The following SCLT1 variants were observed in gnomAD, a reference collection of about 807,000 sequenced individuals.
SCLT1 encodes sodium channel and clathrin linker 1.
Under a neutral mutation model 112.8 loss-of-function variants are expected in SCLT1, and 78 were observed. That is an observed-to-expected ratio of 0.69 (90% confidence interval 0.58 to 0.83). The LOEUF (loss-of-function observed/expected upper bound fraction) is 0.83, where lower values mean the gene tolerates loss of function less well. Ranked by LOEUF, SCLT1 falls within the 40% of genes least tolerant of loss-of-function variation. The pLI, the probability that SCLT1 is intolerant of heterozygous loss-of-function variation, is 0.00. For synonymous variants in SCLT1, 257 were observed against 254.7 expected (o/e 1.01, Z -0.09); for missense variants, 747 against 770.4 (o/e 0.97, Z 0.36).
chr4:128,948,699 A>T (rs1738422669), intron 14 of SCLT1, 129 bp from the exon 15 acceptor site: 1 of 635,368 alleles, frequency 1.6e-6, no homozygotes, highest in Admixed American at 3.3e-5. Context: ...ATATTGATTA[A>T]AAACAAAACA....
chr4:129,017,345 C>A (rs1414613973), intron 5 of SCLT1, among the ~76,000 whole-genome samples: 1 of 152,006 alleles, frequency 6.6e-6, no homozygotes, highest in Non-Finnish European at 1.5e-5. Context: ...TGTACATAAT[C>A]AAACTTGTTA....
chr4:129,021,832 C>T (rs1745504895), intron 5 of SCLT1, among the ~76,000 whole-genome samples: 1 of 152,228 alleles, frequency 6.6e-6, no homozygotes, highest in South Asian at 2.1e-4. Flanking sequence ...AAGGGACAGA[C>T]TATCTCAAGT....
At chr4:129,028,414 C>G (rs554437814) in intron 5 of SCLT1, among the ~76,000 whole-genome samples, 1 of 152,070 alleles carries the variant, frequency 6.6e-6, no homozygotes, top group South Asian at 2.1e-4. Flanking sequence ...CTGAGAAAAA[C>G]AAGCAATGGG....
intron 5 of SCLT1, among the ~76,000 whole-genome samples, chr4:129,005,873 G>A (rs1055403607): frequency 2.6e-5 from 4 of 151,124 alleles, no homozygotes; most frequent in Admixed American, 6.6e-5. Context: ...GTAGGGACAT[G>A]GATGAAATTG....
intron 5 of SCLT1, among the ~76,000 whole-genome samples, chr4:129,032,399 C>CA (rs1560991486): frequency 1.3e-5 from 2 of 151,848 alleles, no homozygotes; most frequent in African/African-American, 4.8e-5. Context: ...GAAGAAAACC[C>CA]AGGCAATACC....
At chr4:129,062,348 C>T (rs1040324976) in intron 2 of SCLT1, among the ~76,000 whole-genome samples, 1 of 152,042 alleles carries the variant, frequency 6.6e-6, no homozygotes, top group African/African-American at 2.4e-5. Context: ...GTGAGGGGAA[C>T]AATTGCTAGA....
At chr4:128,965,102 C>G (rs1740062330) in intron 11 of SCLT1, 125 bp downstream of exon 11, 1 of 570,300 alleles carries the variant, frequency 1.8e-6, no homozygotes, top group African/African-American at 1.9e-5. Context: ...GATTTTACAC[C>G]TATGATTATA....
rs1326900518 is a variant in SCLT1 at position 129,092,620 on chromosome 4, C to G, written c.34+450G>C. The stretch of plus-strand genomic sequence containing the variant: ...TTCAATATATTTTGGAATACATTTC[C>G]CTCCCCAAATTAAATTCTTGGAGGT... On this transcript the variant is annotated intron_variant, in intron 1 of 20. Coordinates refer to ENST00000281142, the MANE Select transcript of SCLT1 (RefSeq NM_144643.4). Among the ~76,000 whole-genome samples the G allele has an allele frequency of 9.2e-5, 14 of 152,286 alleles. No individual in the cohort carries two copies. In the East Asian group the frequency reaches 1.9e-3, roughly 21 times the overall value.
chr4:128,877,701 C>G (rs1477905719), intron 3 of SCLT1, among the ~76,000 whole-genome samples: 3 of 151,636 alleles, frequency 2.0e-5, no homozygotes, highest in Non-Finnish European at 4.4e-5. Flanking sequence ...AAAGTTCACA[C>G]AAAGTAGTTA....
chr4:128,912,747 G>GCA (rs1553960756), intron 18 of SCLT1, among the ~76,000 whole-genome samples: 1 of 146,916 alleles, frequency 6.8e-6, no homozygotes, highest in East Asian at 2.0e-4. Context: ...CTTTTTCTTT[G>GCA]TATATATATA....
At chr4:128,920,226 GCAAGGTTGGTT>G (rs1735777684) in intron 18 of SCLT1, among the ~76,000 whole-genome samples, 1 of 152,176 alleles carries the variant, frequency 6.6e-6, no homozygotes, top group Non-Finnish European at 1.5e-5. Context: ...TTCCTGGGAT[GCAAGGTTGGTT>G]CAACATACAC....
At chr4:129,013,436 G>A (rs1744716300) in intron 5 of SCLT1, among the ~76,000 whole-genome samples, 1 of 152,190 alleles carries the variant, frequency 6.6e-6, no homozygotes, top group South Asian at 2.1e-4. Flanking sequence ...TATTTTTGTA[G>A]TGGGTGATAA....
chr4:129,083,603 G>C (rs1275223885), intron 1 of SCLT1, among the ~76,000 whole-genome samples: 1 of 152,068 alleles, frequency 6.6e-6, no homozygotes, highest in Non-Finnish European at 1.5e-5. Context: ...GCTACTTTGA[G>C]GCTACAGTGA....
chr4:128,999,463 G>A (rs1743271980), intron 7 of SCLT1, among the ~76,000 whole-genome samples: 2 of 152,006 alleles, frequency 1.3e-5, no homozygotes, highest in African/African-American at 2.4e-5. Context: ...CAACATTATA[G>A]AACCAAATGA....
At chr4:129,004,033 T>G (rs1048763943) in intron 5 of SCLT1, among the ~76,000 whole-genome samples, 157 bp from the exon 6 acceptor site, 2 of 152,178 alleles carry the variant, frequency 1.3e-5, no homozygotes, top group African/African-American at 4.8e-5. Context: ...TTAATTACCA[T>G]TAAATACTGT....
chr4:129,059,160 CAT>C (rs908453677), intron 2 of SCLT1, among the ~76,000 whole-genome samples: 8 of 152,054 alleles, frequency 5.3e-5, no homozygotes, highest in African/African-American at 1.9e-4. Context: ...TCTTTCCATC[CAT>C]ATGTATGTTT....
chr4:129,008,199 G>T (rs1451993388), intron 5 of SCLT1, among the ~76,000 whole-genome samples: 1 of 151,938 alleles, frequency 6.6e-6, no homozygotes, highest in African/African-American at 2.4e-5. Flanking sequence ...CTTCTTTTTT[G>T]GGATTTGGAT....
At chr4:128,901,161 C>T (rs1371531767) in intron 18 of SCLT1, among the ~76,000 whole-genome samples, 2 of 152,086 alleles carry the variant, frequency 1.3e-5, no homozygotes, top group Non-Finnish European at 2.9e-5. Context: ...CCCAGCCATC[C>T]CATTACTGGG....
intron 15 of SCLT1, among the ~76,000 whole-genome samples, chr4:128,948,065 T>C (rs1485770824): frequency 6.6e-6 from 1 of 151,882 alleles, no homozygotes; most frequent in African/African-American, 2.4e-5. Flanking sequence ...AGTATTTAAC[T>C]GTAGACTCTG....
Sources: allele counts gnomAD v4.1 joint callset (sites outside exome capture counted in the v4.1 genomes callset), GRCh38; gene constraint gnomAD v4.1.1; transcripts MANE v1.5; gene names NCBI Gene and HGNC (gene_info 2026-07-23, HGNC 2026-07-21).